The following PRKG1 variants were observed in gnomAD, a reference collection of about 807,000 sequenced individuals.
PRKG1 encodes cGMP-dependent protein kinase 1.
In PRKG1, 35 loss-of-function variants were observed where a neutral mutation model predicts 88.1. The ratio of observed to expected loss-of-function variants is 0.40; its 90% CI spans 0.30 to 0.53. The LOEUF is 0.53. PRKG1 is among the 20% of genes least tolerant of loss of function. The pLI, the probability that PRKG1 is intolerant of heterozygous loss-of-function variation, is 0.59. For missense variants in PRKG1, 540 were observed against 839.8 expected (o/e 0.64, Z 4.41); for synonymous variants, 303 against 292.5 (o/e 1.04, Z -0.37).
chr10:52,197,288 C>T (rs1839531798), intron 9 of PRKG1, among the ~76,000 whole-genome samples: 3 of 152,098 alleles, frequency 2.0e-5, no homozygotes, highest in Non-Finnish European at 4.4e-5. Flanking sequence ...GAGAAATGAG[C>T]TCATGTTGGA....
chr10:52,113,940 C>G (rs370729630), intron 7 of PRKG1, among the ~76,000 whole-genome samples: 2 of 152,020 alleles, frequency 1.3e-5, no homozygotes, highest in African/African-American at 4.8e-5. Flanking sequence ...AAGTAATTAG[C>G]TTTAGTGTAG....
At chr10:51,780,795 T>C (rs1441274447) in intron 3 of PRKG1, among the ~76,000 whole-genome samples, 1 of 152,180 alleles carries the variant, frequency 6.6e-6, no homozygotes, top group Non-Finnish European at 1.5e-5. Context: ...CGAAGGTCAT[T>C]AAGTTTGTTC....
At chr10:52,219,563 A>G (rs768174207) in intron 9 of PRKG1, among the ~76,000 whole-genome samples, 2 of 152,202 alleles carry the variant, frequency 1.3e-5, no homozygotes, top group South Asian at 2.1e-4. Context: ...CCTAATAACA[A>G]ACAACAAAGT....
At chr10:51,847,840 TAAAAAAAAAAAAAAA>T (rs766423513) in intron 4 of PRKG1, among the ~76,000 whole-genome samples, 9,406 of 35,338 alleles carry the variant, frequency 0.27, 588 homozygotes, top group Middle Eastern at 0.43. Flanking sequence ...AAGACTCTGT[TAAAAAAAAAAAAAAA>T]AAAAAAAAAA....
intron 10 of PRKG1, among the ~76,000 whole-genome samples, chr10:52,264,123 A>T (rs1841506558): frequency 6.6e-6 from 1 of 152,036 alleles, no homozygotes; most frequent in African/African-American, 2.4e-5. Context: ...GGATGTCTAC[A>T]TTGCTTTCTG....
At chr10:51,661,850 C>A (rs572443518) in intron 3 of PRKG1, among the ~76,000 whole-genome samples, 2 of 152,118 alleles carry the variant, frequency 1.3e-5, no homozygotes, top group East Asian at 3.9e-4. Flanking sequence ...CAATGACAGA[C>A]TGGATTAAGA....
intron 2 of PRKG1, among the ~76,000 whole-genome samples, chr10:51,246,673 G>C (rs902314388): frequency 6.6e-6 from 1 of 151,818 alleles, no homozygotes; most frequent in Admixed American, 6.6e-5. Context: ...GACAGATGTT[G>C]GTACAGGAAA....
At chr10:52,101,055 A>G (rs973135606) in intron 7 of PRKG1, among the ~76,000 whole-genome samples, 3 of 152,196 alleles carry the variant, frequency 2.0e-5, no homozygotes, top group Admixed American at 6.5e-5. Context: ...GGATGTTCAT[A>G]TACCTGCCAT....
intron 9 of PRKG1, among the ~76,000 whole-genome samples, chr10:52,228,840 T>C (rs775578332): frequency 2.6e-4 from 40 of 152,128 alleles, no homozygotes; most frequent in Non-Finnish European, 4.4e-4. Flanking sequence ...CAGAAGTGGG[T>C]GGTTGATAAT....
intron 3 of PRKG1, among the ~76,000 whole-genome samples, chr10:51,612,371 G>GT (rs548161184): frequency 2.0e-5 from 3 of 151,502 alleles, no homozygotes; most frequent in Non-Finnish European, 4.4e-5. Flanking sequence ...GTATTCCTAG[G>GT]TTTTTTTGTG....
chr10:51,192,834 A>C (rs1159503468), intron 2 of PRKG1, among the ~76,000 whole-genome samples: 1 of 151,986 alleles, frequency 6.6e-6, no homozygotes, highest in African/African-American at 2.4e-5. Flanking sequence ...GGCCATTCAT[A>C]TCTGGAAGTC....
At chr10:51,291,383 G>A (rs953723144) in intron 2 of PRKG1, among the ~76,000 whole-genome samples, 1 of 152,032 alleles carries the variant, frequency 6.6e-6, no homozygotes, top group Non-Finnish European at 1.5e-5. Flanking sequence ...GGCCCCACTC[G>A]GATCTTCTTT....
chr10:51,224,327 A>G lies in PRKG1; in HGVS notation c.478+70997A>G, dbSNP rs1007702770. 4.6e-5 allele frequency among the ~76,000 whole-genome samples: 7 copies of G among 152,232 alleles called. 1 individual carries two copies. The highest frequency in any genetic ancestry group is 1.7e-4 in the African/African-American group (7 of 41,468). ...CACCTAATTCAAGGGCCTGAGTGCC[A>G]GGCAGATTTTTCCATGGTAGCATGT... On this transcript the variant is annotated intron_variant, in intron 2 of 17. Transcript: ENST00000373980.
intron 5 of PRKG1, among the ~76,000 whole-genome samples, chr10:52,050,433 G>C (rs1416868754): frequency 6.6e-6 from 1 of 152,134 alleles, no homozygotes; most frequent in Non-Finnish European, 1.5e-5. Flanking sequence ...AAATGGTAGA[G>C]CTGTAAAATA....
chr10:51,591,670 C>T (rs1394586915), intron 3 of PRKG1, among the ~76,000 whole-genome samples: 1 of 152,094 alleles, frequency 6.6e-6, no homozygotes, highest in Admixed American at 6.5e-5. Flanking sequence ...AAAAAAGCAT[C>T]TTCCGTAAAA....
At chr10:51,497,773 G>C (rs1201670440) in intron 3 of PRKG1, among the ~76,000 whole-genome samples, 1 of 152,116 alleles carries the variant, frequency 6.6e-6, no homozygotes, top group Admixed American at 6.6e-5. Context: ...ACTCTCACGG[G>C]ACTTATAATT....
In PRKG1 at chr10:52,273,282, T is replaced by C. The variant is rs1841781862; in HGVS notation, c.1403+801T>C. ...CACTTTTATTTTCCTATGAATAATC[T>C]TTTGATTATTTTCCATGAATGATTT... is the stretch of plus-strand genomic sequence containing the variant. On this transcript the variant is annotated intron_variant, in intron 12 of 17. Transcript: ENST00000373980. Among the ~76,000 whole-genome samples the C allele has an allele frequency of 2.6e-5, 4 of 152,164 alleles. No homozygotes were observed. In the South Asian group the frequency reaches 8.3e-4, roughly 32 times the overall value.
chr10:51,232,119 T>C (rs539605528), intron 2 of PRKG1, among the ~76,000 whole-genome samples: 1 of 152,162 alleles, frequency 6.6e-6, no homozygotes, highest in African/African-American at 2.4e-5. Context: ...CTTATGCATG[T>C]AGGGGAGCAA....
chr10:51,546,783 T>A (rs1209708965), intron 3 of PRKG1, among the ~76,000 whole-genome samples: 1 of 152,100 alleles, frequency 6.6e-6, no homozygotes, highest in African/African-American at 2.4e-5. Context: ...AAGACAGAAC[T>A]TCTCTTATGG....
Sources: gnomAD v4.1 joint callset for allele counts (sites outside exome capture counted in the v4.1 genomes callset) on GRCh38, gnomAD v4.1.1 for gene constraint, MANE v1.5 for transcripts, NCBI Gene and HGNC (gene_info 2026-07-23, HGNC 2026-07-21) for gene names.